Variants in SPAG1 observed in about 807,000 individuals in gnomAD.
The protein encoded by SPAG1 is sperm-associated antigen 1.
A neutral mutation model predicts 100.5 loss-of-function variants in SPAG1; 69 were observed. The ratio of observed to expected loss-of-function variants is 0.69; its 90% CI spans 0.57 to 0.84. The LOEUF is 0.84. SPAG1 is among the 40% of genes least tolerant of loss of function. The pLI, the probability that SPAG1 is intolerant of heterozygous loss-of-function variation, is 0.00. For missense variants in SPAG1, 955 were observed against 1,133.1 expected (o/e 0.84, Z 2.26); for synonymous variants, 336 against 411.6 (o/e 0.82, Z 2.22).
chr8:100,182,940 C>T (rs1394929059), intron 4 of SPAG1, among the ~76,000 whole-genome samples: 2 of 151,782 alleles, frequency 1.3e-5, no homozygotes. Flanking sequence ...TTCCAGGGTA[C>T]CTATTTTTCT....
chr8:100,202,098 T>C (rs1005092600), intron 10 of SPAG1, among the ~76,000 whole-genome samples: 8 of 152,258 alleles, frequency 5.3e-5, no homozygotes, highest in African/African-American at 1.7e-4. Flanking sequence ...TCTCCAGGTA[T>C]ATAGCATCAG....
chr8:100,229,516 T>C (rs1344700022), intron 14 of SPAG1, among the ~76,000 whole-genome samples: 1 of 152,244 alleles, frequency 6.6e-6, no homozygotes. Context: ...ATTCTGTTCA[T>C]CTGAATTGGG....
chr8:100,220,545 G>GAATA, intron 13 of SPAG1, 114 bp downstream of exon 13: 1 of 825,562 alleles, frequency 1.2e-6, no homozygotes, highest in Non-Finnish European at 1.9e-6. Flanking sequence ...TTTATCACCT[G>GAATA]AATGATTGCC....
Position 100,213,834 on chromosome 8 carries a change from A to G in SPAG1, c.1451A>G (p.Asp484Gly), listed in dbSNP as rs1817849591. The G allele has an allele frequency of 1.3e-6, 2 of 1,582,914 alleles. No homozygotes were observed. Among genetic ancestry groups the G allele is most frequent in the Admixed American group, 3.4e-5 (2 of 58,426 alleles). The change falls in exon 12 of 19, where the codon GAT becomes GGT. Residue 484 changes from aspartate to glycine, a missense_variant. Transcript: ENST00000388798. Reference protein sequence around the residue: ...LLEPAGSEIADDLSILYSNRA... With the variant: ...LLEPAGSEIAGDLSILYSNRA... Reference sequence around the variant, plus strand: ...TGATTTTTAGGAAGTGAAATTGCAGATGATCTAAGTATCTTATATTCAAAT... The same window carrying G: ...TGATTTTTAGGAAGTGAAATTGCAGGTGATCTAAGTATCTTATATTCAAAT...
chr8:100,204,512 T>A (rs1302781816), intron 10 of SPAG1, among the ~76,000 whole-genome samples: 1 of 148,006 alleles, frequency 6.8e-6, no homozygotes, highest in South Asian at 2.1e-4. Flanking sequence ...CTTGGAGAGT[T>A]AAAAAAAAAA....
rs567800146 is a variant in SPAG1, at chr8:100,190,574, CCTT to C, written c.833-813_833-811del. 1.1e-3 allele frequency among the ~76,000 whole-genome samples: 163 copies of C among 152,112 alleles called. 1 individual carries two copies. In the Middle Eastern group the frequency reaches 0.014, roughly 13 times the overall value. On this transcript the variant is annotated intron_variant, in intron 8 of 18. Transcript: ENST00000388798. ...TCTCAGTTCCCTATGCTAAGTCACT[CCTT>C]CTAATCATTTTAGAGATTGCTATAC...
chr8:100,215,887 G>A (rs1282462237), intron 12 of SPAG1, among the ~76,000 whole-genome samples: 1 of 152,188 alleles, frequency 6.6e-6, no homozygotes, highest in Non-Finnish European at 1.5e-5. Context: ...AAGGCCTTGA[G>A]GCACTTGAAT....
chr8:100,225,952 C>T (rs1336918145), intron 14 of SPAG1, among the ~76,000 whole-genome samples: 2 of 152,014 alleles, frequency 1.3e-5, no homozygotes, highest in Non-Finnish European at 2.9e-5. Flanking sequence ...CCTGCCTCAG[C>T]CTACTGAGTA....
At position 100,240,752 on chromosome 8, in the gene SPAG1, G is replaced by A; in HGVS notation, c.2630G>A (p.Ser877Asn). 6.2e-7 allele frequency: 1 copy of A among 1,600,994 alleles called. No homozygotes were observed. Reference sequence around the variant, plus strand: ...GTGTATCAGCATCTTTTATACCTGAGTAAAGCAGAAAGGTTTAAGGTAAGT... The same window carrying A: ...GTGTATCAGCATCTTTTATACCTGAATAAAGCAGAAAGGTTTAAGGTAAGT... The part of the protein sequence containing the change: ...SLVYQHLLYL[S>N]KAERFKMMLT... Residue 877 changes from serine to asparagine, a missense_variant, in exon 18 of 19, where the codon AGT (serine) becomes AAT (asparagine). Ser to Asn is a conservative substitution (Grantham distance 46, BLOSUM62 1). Transcript: ENST00000388798.
At chr8:100,190,175 T>C (rs1246671348) in intron 8 of SPAG1, among the ~76,000 whole-genome samples, 1 of 151,904 alleles carries the variant, frequency 6.6e-6, no homozygotes, top group Non-Finnish European at 1.5e-5. Flanking sequence ...TAGCTGGATG[T>C]GGTGGCATGA....
chr8:100,230,055 G>A (rs546452979), intron 14 of SPAG1, among the ~76,000 whole-genome samples: 1 of 152,274 alleles, frequency 6.6e-6, no homozygotes, highest in Non-Finnish European at 1.5e-5. Flanking sequence ...CATTTTATCA[G>A]CTCTTATAGA....
At chr8:100,202,825 C>G (rs1817346706) in intron 10 of SPAG1, among the ~76,000 whole-genome samples, 1 of 151,264 alleles carries the variant, frequency 6.6e-6, no homozygotes, top group South Asian at 2.1e-4. Context: ...ATGCCAATAC[C>G]ACACTGTTTT....
chr8:100,240,781 T>C lies in SPAG1; in HGVS notation c.2649+10T>C, dbSNP rs1819228771. 6.4e-7 allele frequency: 1 copy of C among 1,573,582 alleles called. No individual in the cohort carries two copies. ...AGCAGAAAGGTTTAAGGTAAGTGGC[T>C]AAGTATTTTATTAGTAGAAATTGGT... On this transcript the variant is annotated intron_variant, in intron 18 of 18. Transcript: ENST00000388798.
At chr8:100,195,825 T>A (rs1817008897) in intron 10 of SPAG1, among the ~76,000 whole-genome samples, 1 of 152,220 alleles carries the variant, frequency 6.6e-6, no homozygotes, top group Non-Finnish European at 1.5e-5. Flanking sequence ...TACGGTTTCA[T>A]GTAACCATCA....
intron 14 of SPAG1, among the ~76,000 whole-genome samples, 189 bp from the exon 15 acceptor site, chr8:100,230,966 AT>A (rs1818743119): frequency 6.6e-6 from 1 of 152,116 alleles, no homozygotes; most frequent in African/African-American, 2.4e-5. Context: ...TCATAATTAT[AT>A]AATTATTTTT....
intron 10 of SPAG1, among the ~76,000 whole-genome samples, chr8:100,205,861 A>G (rs1217505014): frequency 6.6e-6 from 1 of 150,400 alleles, no homozygotes; most frequent in African/African-American, 2.4e-5. Context: ...CTAAAAATAC[A>G]AAAAAAAATT....
At position 100,176,749 on chromosome 8, in the gene SPAG1, C is replaced by G. The variant is rs1469035846; in HGVS notation, c.301-1067C>G. Among the ~76,000 whole-genome samples, 11 of 152,266 alleles carry G rather than the reference C, an allele frequency of 7.2e-5. No homozygotes were observed. The East Asian group carries it at 1.9e-3, about 27-fold the overall frequency. The stretch of plus-strand genomic sequence containing the variant: ...ATAAAAAGGCATTTCACAAGAAGTG[C>G]AAAGTCTTTGCACCTGATGGTGTAG... On this transcript the variant is annotated intron_variant, in intron 3 of 18. Coordinates refer to ENST00000388798, the MANE Select transcript of SPAG1 (RefSeq NM_003114.5).
At chr8:100,222,340 T>C (rs1027200317) in intron 13 of SPAG1, among the ~76,000 whole-genome samples, 1 of 152,204 alleles carries the variant, frequency 6.6e-6, no homozygotes, top group African/African-American at 2.4e-5. Flanking sequence ...GTAAAATTCT[T>C]TTCCTGTAGC....
intron 3 of SPAG1, among the ~76,000 whole-genome samples, chr8:100,175,976 G>T (rs1196352200): frequency 6.6e-6 from 1 of 152,176 alleles, no homozygotes; most frequent in Admixed American, 6.5e-5. Flanking sequence ...AAATAGTTGA[G>T]TTTCCCTATC....
Sources: allele counts gnomAD v4.1 joint callset (sites outside exome capture counted in the v4.1 genomes callset), GRCh38; gene constraint gnomAD v4.1.1; transcripts MANE v1.5; gene names NCBI Gene and HGNC (gene_info 2026-07-23, HGNC 2026-07-21).